The following NBAS variants were observed in gnomAD, a reference collection of about 807,000 sequenced individuals.
The protein encoded by NBAS is NBAS subunit of NRZ tethering complex.
NBAS carries 219 observed loss-of-function variants against 302.5 expected under a neutral mutation model. The observed-to-expected ratio is 0.72, with a 90% CI of 0.65 to 0.81. The LOEUF (loss-of-function observed/expected upper bound fraction) is 0.81, where lower values mean the gene tolerates loss of function less well. Among genes scored for constraint, NBAS ranks in the 30% least tolerant of loss-of-function variants. NBAS has a pLI of 0.00. For synonymous variants in NBAS, 1,118 were observed against 1,021.6 expected, an observed-to-expected ratio of 1.09 and a Z score of -1.80; for missense variants, 2,932 against 2,841.6, an observed-to-expected ratio of 1.03 and a Z score of -0.72.
At chr2:15,131,639 A>T in the NBAS span, among the ~76,000 whole-genome samples, 1 of 152,162 alleles carries the variant, frequency 6.6e-6, no homozygotes. Flanking sequence ...GTACATGTGC[A>T]CAAGGCTAAC....
chr2:15,512,074 GA>G (rs1485346094), intron 9 of NBAS, among the ~76,000 whole-genome samples: 3 of 151,904 alleles, frequency 2.0e-5, no homozygotes, highest in Admixed American at 6.5e-5. Context: ...TCTAAAGAAA[GA>G]AAAAAAGTCT....
In NBAS at chr2:15,234,683, T is replaced by A. The variant is rs755286121; in HGVS notation, c.6008A>T (p.Asp2003Val). The A allele has an allele frequency of 6.2e-7, 1 of 1,614,174 alleles. No homozygotes were observed. The highest frequency in any genetic ancestry group is 8.5e-7 in the Non-Finnish European group (1 of 1,180,022). The change falls in exon 46 of 52, where the codon GAT (aspartate) becomes GTT (valine). Residue 2003 changes from aspartate (D) to valine (V), a missense_variant. Asp to Val is a radical substitution (Grantham distance 152, BLOSUM62 -3). Coordinates refer to ENST00000281513, the MANE Select transcript of NBAS (RefSeq NM_015909.4). Reference protein sequence around the residue: ...LSRSEKEKLHDEAVAICLDGQ... With the variant: ...LSRSEKEKLHVEAVAICLDGQ... The stretch of plus-strand genomic sequence containing the variant: ...ATCTAAACAAATAGCCACAGCTTCA[T>A]CATGAAGTTTCTCTTTTTCTGATCG...
chr2:15,246,645 C>T (rs1668106599), intron 44 of NBAS, among the ~76,000 whole-genome samples: 2 of 152,126 alleles, frequency 1.3e-5, no homozygotes, highest in Non-Finnish European at 2.9e-5. Flanking sequence ...TGAGTTGAAA[C>T]AAAGAAACAA....
chr2:15,502,593 A>G (rs964715137), intron 11 of NBAS, among the ~76,000 whole-genome samples: 9 of 152,234 alleles, frequency 5.9e-5, no homozygotes, highest in Non-Finnish European at 1.5e-5. Context: ...GTATCTAAAC[A>G]CAGAAAAGGT....
Position 15,442,849 on chromosome 2 carries a change from C to T in NBAS, c.2340-15055G>A, listed in dbSNP as rs199976764. ...ACCACCGATCCCACAGAAATACAAA[C>T]TACCATCAGAGAATACTACAAACAC... On this transcript the variant is annotated intron_variant, in intron 21 of 51. Transcript: ENST00000281513. 3.3e-5 allele frequency among the ~76,000 whole-genome samples: 5 copies of T among 151,878 alleles called. No homozygotes were observed. The East Asian group carries it at 9.7e-4, about 29-fold the overall frequency.
intron 21 of NBAS, among the ~76,000 whole-genome samples, chr2:15,456,118 C>G (rs1251316283): frequency 1.3e-5 from 2 of 152,168 alleles, no homozygotes; most frequent in Non-Finnish European, 2.9e-5. Context: ...TCAACTATGA[C>G]AGCAAATGTA....
At chr2:15,454,940 G>C (rs1679181672) in intron 21 of NBAS, among the ~76,000 whole-genome samples, 1 of 148,460 alleles carries the variant, frequency 6.7e-6, no homozygotes, top group Non-Finnish European at 1.5e-5. Flanking sequence ...GTCTCACTCT[G>C]TCGTCAAGCT....
chr2:14,849,412 A>G, the NBAS span, among the ~76,000 whole-genome samples: 2 of 151,486 alleles, frequency 1.3e-5, no homozygotes. Flanking sequence ...CAAAGCCTCC[A>G]AGAAATATGG....
intron 38 of NBAS, among the ~76,000 whole-genome samples, chr2:15,317,514 A>C (rs1671569115): frequency 6.6e-6 from 1 of 152,220 alleles, no homozygotes; most frequent in African/African-American, 2.4e-5. Flanking sequence ...AAAGGGTTAG[A>C]CGAATGTCTA....
At chr2:15,353,736 G>A in intron 33 of NBAS, 26 bp from the exon 34 acceptor site, 1 of 1,613,668 alleles carries the variant, frequency 6.2e-7, no homozygotes, top group Non-Finnish European at 8.5e-7. Flanking sequence ...GGAAAAAAAT[G>A]ATTCCCAAAA....
chr2:15,117,209 C>T, the NBAS span, among the ~76,000 whole-genome samples: 2 of 152,172 alleles, frequency 1.3e-5, no homozygotes, highest in Non-Finnish European at 2.9e-5. Context: ...GTCCCCAGAC[C>T]GTTACACACT....
chr2:14,899,571 T>C, the NBAS span, among the ~76,000 whole-genome samples: 2 of 152,202 alleles, frequency 1.3e-5, no homozygotes, highest in African/African-American at 4.8e-5. Flanking sequence ...TGATAGGCCA[T>C]TCATGAGCTT....
At chr2:15,500,499 G>GCC (rs1558392874) in intron 11 of NBAS, among the ~76,000 whole-genome samples, 1 of 110,190 alleles carries the variant, frequency 9.1e-6, no homozygotes, top group Non-Finnish European at 1.9e-5. Flanking sequence ...TATTTTAGAA[G>GCC]TCTCACACAC....
the NBAS span, among the ~76,000 whole-genome samples, chr2:14,977,289 A>AT: frequency 6.6e-6 from 1 of 152,028 alleles, no homozygotes; most frequent in Non-Finnish European, 1.5e-5. Context: ...TTAAGAATTT[A>AT]AAGAAAAAGA....
At chr2:15,256,932 T>C (rs1167214382) in intron 44 of NBAS, among the ~76,000 whole-genome samples, 1 of 152,240 alleles carries the variant, frequency 6.6e-6, no homozygotes, top group Non-Finnish European at 1.5e-5. Flanking sequence ...GTATTATCTT[T>C]TTGATATGCT....
chr2:14,981,157 C>G, the NBAS span, among the ~76,000 whole-genome samples: 10 of 152,176 alleles, frequency 6.6e-5, no homozygotes, highest in Admixed American at 2.0e-4. Flanking sequence ...AAGGGCCCAC[C>G]AAGTGACCCA....
At chr2:15,067,658 G>C in the NBAS span, among the ~76,000 whole-genome samples, 1 of 152,020 alleles carries the variant, frequency 6.6e-6, no homozygotes, top group African/African-American at 2.4e-5. Flanking sequence ...TAGAATGGTG[G>C]CTTTTAGGGG....
chr2:14,886,046 T>C, the NBAS span, among the ~76,000 whole-genome samples: 1 of 152,094 alleles, frequency 6.6e-6, no homozygotes, highest in African/African-American at 2.4e-5. Flanking sequence ...GGGTGGCAGA[T>C]CAAGTAACCC....
chr2:15,493,820 C>A (rs1254332624), intron 11 of NBAS, among the ~76,000 whole-genome samples: 1 of 145,314 alleles, frequency 6.9e-6, no homozygotes, highest in African/African-American at 2.5e-5. Flanking sequence ...TATGTAGCTG[C>A]AATTTTCTCT....
Sources: gnomAD v4.1 joint callset for allele counts (sites outside exome capture counted in the v4.1 genomes callset) on GRCh38, gnomAD v4.1.1 for gene constraint, MANE v1.5 for transcripts, NCBI Gene and HGNC (gene_info 2026-07-23, HGNC 2026-07-21) for gene names.